SCRN1: variants seen among roughly 807,000 people sequenced by gnomAD.
SCRN1 encodes secernin-1.
A neutral mutation model predicts 43.3 loss-of-function variants in SCRN1; 19 were observed. That is an observed-to-expected ratio of 0.44 (90% CI 0.31 to 0.64). The LOEUF is 0.64. SCRN1 is among the 30% of genes least tolerant of loss of function. The pLI is 0.09. For synonymous variants in SCRN1, 183 were observed against 188.9 expected, an observed-to-expected ratio of 0.97 and a Z score of 0.26; for missense variants, 447 against 524.1, an observed-to-expected ratio of 0.85 and a Z score of 1.44.
chr7:29,964,951 A>T (rs1478230587), intron 2 of SCRN1, among the ~76,000 whole-genome samples: 6 of 147,886 alleles, frequency 4.1e-5, no homozygotes, highest in East Asian at 2.0e-4. Flanking sequence ...CAAAAAACAA[A>T]ATATATATAT....
chr7:29,985,753 C>T (rs529515873), intron 1 of SCRN1, among the ~76,000 whole-genome samples: 10 of 152,362 alleles, frequency 6.6e-5, no homozygotes, highest in African/African-American at 1.9e-4. Context: ...TCATACTCAG[C>T]AGTCCCAGCC....
intron 6 of SCRN1, among the ~76,000 whole-genome samples, chr7:29,931,928 A>C (rs929356432): frequency 6.6e-6 from 1 of 152,204 alleles, no homozygotes; most frequent in African/African-American, 2.4e-5. Context: ...TCATAGAGTC[A>C]AAGTCACACC....
chr7:29,931,860 G>A (rs1192907130), intron 6 of SCRN1, among the ~76,000 whole-genome samples: 2 of 152,146 alleles, frequency 1.3e-5, no homozygotes, highest in Non-Finnish European at 2.9e-5. Context: ...CAAAAACGCA[G>A]GCGCCCCTCA....
At chr7:29,990,251 C>T, upstream of SCRN1, 4 of 1,551,626 alleles carry the variant, frequency 2.6e-6, no homozygotes, top group Non-Finnish European at 3.5e-6. Context: ...GTTGGTAAGC[C>T]AGACCCTGTC....
rs545798643 is a variant in SCRN1 at position 29,920,868 on chromosome 7, CTGTT to C, written c.*3085_*3088del. ...AAGGTCTAACAGGCATATACCTGCT[CTGTT>C]AGTTTATAAGAAAGACTCGTTCTAA... On this transcript the variant is annotated 3_prime_UTR_variant, in exon 8 of 8. Transcript: ENST00000242059. 176 of 152,304 alleles carry C rather than the reference CTGTT, an allele frequency of 1.2e-3. No individual in the cohort carries two copies. The highest frequency in any genetic ancestry group is 4.2e-3 in the African/African-American group (174 of 41,550). 9.4% of individuals were successfully genotyped at this position (152,304 alleles called of 1,614,324 possible).
intron 2 of SCRN1, among the ~76,000 whole-genome samples, chr7:29,961,743 A>C (rs1788321747): frequency 1.3e-5 from 2 of 148,364 alleles, no homozygotes; most frequent in Non-Finnish European, 3.0e-5. Context: ...GGCGCCCCTC[A>C]CCTCCCGGAT....
intron 1 of SCRN1, among the ~76,000 whole-genome samples, chr7:29,987,816 A>AC (rs1789207719): frequency 6.6e-6 from 1 of 152,200 alleles, no homozygotes; most frequent in Non-Finnish European, 1.5e-5. Flanking sequence ...CTGCCAGTTG[A>AC]CAGCCAGATA....
chr7:29,964,266 G>T (rs1788417895), intron 2 of SCRN1, among the ~76,000 whole-genome samples: 1 of 152,144 alleles, frequency 6.6e-6, no homozygotes, highest in African/African-American at 2.4e-5. Context: ...AATCAACTAA[G>T]ATGTCCTTCA....
At chr7:29,990,123 G>T, upstream of SCRN1, 2 of 1,550,798 alleles carry the variant, frequency 1.3e-6, no homozygotes, top group Non-Finnish European at 1.7e-6. Flanking sequence ...ACGTTTGGTT[G>T]CTACGTCCGG....
At chr7:29,956,054 C>T (rs1361334642) in intron 2 of SCRN1, among the ~76,000 whole-genome samples, 1 of 152,244 alleles carries the variant, frequency 6.6e-6, no homozygotes, top group African/African-American at 2.4e-5. Context: ...ATCTTACCTT[C>T]TCCAGGCTGC....
chr7:29,989,958 G>A (rs909418762), upstream of SCRN1: 43 of 1,371,264 alleles, frequency 3.1e-5, no homozygotes, highest in Admixed American at 9.3e-5. Flanking sequence ...AGTAGGGAGG[G>A]GGCCTGGGAG....
chr7:29,927,280 T>C (rs559317605), intron 6 of SCRN1, among the ~76,000 whole-genome samples: 179 of 152,178 alleles, frequency 1.2e-3, no homozygotes, highest in African/African-American at 4.3e-3. Flanking sequence ...AGGATGGATG[T>C]TATCTTCGGG....
chr7:29,947,360 T>TAA lies in SCRN1; in HGVS notation c.342-3183_342-3182dup, dbSNP rs1787769378. 5 of 1,544,370 alleles carry TAA rather than the reference T, an allele frequency of 3.2e-6. No individual in the cohort carries two copies. The South Asian group carries it at 6.0e-5, about 19-fold the overall frequency. Reference sequence around the variant, plus strand: ...GGGTCACACCTGTACTTCTCCTGCTTAAAGCCCGTTTGTTTAGAAACTCTG... The same window carrying TAA: ...GGGTCACACCTGTACTTCTCCTGCTTAAAAAGCCCGTTTGTTTAGAAACTCTG... On this transcript the variant is annotated intron_variant, in intron 3 of 7. Transcript: ENST00000242059.
chr7:29,952,750 T>C (rs1322552683), intron 3 of SCRN1, among the ~76,000 whole-genome samples: 1 of 151,934 alleles, frequency 6.6e-6, no homozygotes, highest in Non-Finnish European at 1.5e-5. Flanking sequence ...TAGGATTTGG[T>C]TGGTATGAAA....
At chr7:29,955,102 G>T in intron 3 of SCRN1, 77 bp downstream of exon 3, 2 of 1,297,310 alleles carry the variant, frequency 1.5e-6, no homozygotes, top group South Asian at 1.4e-5. Context: ...AAAAATGCAA[G>T]GTTTAGGGAG....
chr7:29,929,988 C>T (rs1194878695), intron 6 of SCRN1, among the ~76,000 whole-genome samples: 1 of 152,150 alleles, frequency 6.6e-6, no homozygotes, highest in African/African-American at 2.4e-5. Context: ...AAGTTTGTCC[C>T]TCTCATCTAT....
At chr7:29,938,525 TG>T (rs1562805408) in intron 5 of SCRN1, among the ~76,000 whole-genome samples, 1 of 152,236 alleles carries the variant, frequency 6.6e-6, no homozygotes, top group Non-Finnish European at 1.5e-5. Context: ...ATGCCCACGC[TG>T]GAAGGTTGTG....
rs1789099485 is a variant in SCRN1, at chr7:29,984,792, A to G, written c.-2+4850T>C. ...AAAAATTAGCTGGGCGTGGTGGCAGACGCCTGTAATCCCAGCTGCTCAGAA... is the reference window on the plus strand; with the variant it reads ...AAAAATTAGCTGGGCGTGGTGGCAGGCGCCTGTAATCCCAGCTGCTCAGAA... On this transcript the variant is annotated intron_variant, in intron 1 of 7. Transcript: ENST00000242059. Among the ~76,000 whole-genome samples the G allele has an allele frequency of 2.8e-5, 4 of 144,766 alleles. No individual in the cohort carries two copies. The South Asian group carries it at 8.7e-4, about 32-fold the overall frequency. The allele number at this position is 144,766 out of a possible 152,430, so 95.0% of individuals were successfully genotyped here.
chr7:29,930,763 T>G (rs1191587089), intron 6 of SCRN1, among the ~76,000 whole-genome samples: 1 of 152,108 alleles, frequency 6.6e-6, no homozygotes, highest in Non-Finnish European at 1.5e-5. Flanking sequence ...CAGACTTCTG[T>G]GGTGTGGTGT....
Sources: allele counts gnomAD v4.1 joint callset (sites outside exome capture counted in the v4.1 genomes callset), GRCh38; gene constraint gnomAD v4.1.1; transcripts MANE v1.5; gene names NCBI Gene and HGNC (gene_info 2026-07-23, HGNC 2026-07-21).